Variants in ZNF516 observed in about 807,000 individuals in gnomAD.
ZNF516 encodes the protein zinc finger protein 516.
In ZNF516, 19 loss-of-function variants were observed where a neutral mutation model predicts 79.7. The ratio of observed to expected loss-of-function variants is 0.24; its 90% CI spans 0.17 to 0.35. The LOEUF (loss-of-function observed/expected upper bound fraction) is 0.35. Ranked by LOEUF, ZNF516 falls within the 10% of genes least tolerant of loss-of-function variation. ZNF516 has a pLI of 1.00. For missense variants in ZNF516, 1,678 were observed against 1,679.5 expected, an observed-to-expected ratio of 1.00 and a Z score of 0.02; for synonymous variants, 877 against 739.5, an observed-to-expected ratio of 1.19 and a Z score of -3.02.
chr18:76,375,754 AAG>A (rs1312888324), intron 4 of ZNF516, among the ~76,000 whole-genome samples: 1 of 140,408 alleles, frequency 7.1e-6, no homozygotes, highest in African/African-American at 2.7e-5. Context: ...GGGAAGGCCC[AAG>A]AGACCAGGTA....
chr18:76,465,907 C>G lies in ZNF516; in HGVS notation c.-271-2766G>C, dbSNP rs1913435466. 2.0e-5 allele frequency among the ~76,000 whole-genome samples: 3 copies of G among 152,294 alleles called. No homozygotes were observed. In the South Asian group the frequency reaches 6.2e-4, roughly 32 times the overall value. On this transcript the variant is annotated intron_variant, in intron 1 of 6. Transcript: ENST00000443185. ...GAAGGACCCGAGCGCAGCACAGGCTCCCAGATGGGCTCCTGGGACAGCAAA... is the reference window on the plus strand; with the variant it reads ...GAAGGACCCGAGCGCAGCACAGGCTGCCAGATGGGCTCCTGGGACAGCAAA...
rs1045554940 is a variant in ZNF516 at position 76,378,760 on chromosome 18, G to C, written c.3259+95C>G. ...GGGGCCGGCTGGCTCTGTCCTCAGGGACATGGACAGGCAGGTGCGCAGCAG... is the reference window on the plus strand; with the variant it reads ...GGGGCCGGCTGGCTCTGTCCTCAGGCACATGGACAGGCAGGTGCGCAGCAG... On this transcript the variant is annotated intron_variant, in intron 4 of 6. Transcript: ENST00000443185. The C allele has an allele frequency of 6.7e-6, 10 of 1,487,646 alleles. No individual in the cohort carries two copies. The East Asian group carries it at 2.1e-4, about 32-fold the overall frequency. The allele number at this position is 1,487,646 out of a possible 1,614,324, so 92.2% of individuals were successfully genotyped here.
intron 1 of ZNF516, chr18:76,491,090 G>A (rs934637330): frequency 3.9e-5 from 38 of 985,194 alleles, no homozygotes; most frequent in Admixed American, 1.2e-4. Flanking sequence ...ATCGTCCTCG[G>A]GGCCACGCCT....
intron 1 of ZNF516, among the ~76,000 whole-genome samples, chr18:76,489,637 G>A (rs1218306960): frequency 2.0e-5 from 3 of 150,378 alleles, no homozygotes; most frequent in Non-Finnish European, 3.0e-5. Flanking sequence ...AGGGTTCCAG[G>A]AAAAATAAAA....
rs887828868 is a variant in ZNF516 at position 76,462,406 on chromosome 18, C to T, written c.-158+622G>A. ...CAACACAGGCACTCCTCCAACGCCCCTTTAGTTTAGAAACATCGCCGTCAG... is the reference window on the plus strand; with the variant it reads ...CAACACAGGCACTCCTCCAACGCCCTTTTAGTTTAGAAACATCGCCGTCAG... On this transcript the variant is annotated intron_variant, in intron 2 of 6. Transcript: ENST00000443185. Among the ~76,000 whole-genome samples, 26 of 152,244 alleles carry T rather than the reference C, an allele frequency of 1.7e-4. 1 individual carries two copies. Among genetic ancestry groups the T allele is most frequent in the African/African-American group, 6.0e-4 (25 of 41,462 alleles).
chr18:76,379,024 G>C lies in ZNF516; in HGVS notation c.3090C>G (p.Pro1030=). 6.2e-7 allele frequency: 1 copy of C among 1,604,278 alleles called. No individual in the cohort carries two copies. The highest frequency in any genetic ancestry group is 8.5e-7 in the Non-Finnish European group (1 of 1,176,002). The change falls in exon 4 of 7, where the codon CCC becomes CCG. Residue 1030 remains proline, a synonymous_variant. Transcript: ENST00000443185. ...SRGDAALQAQ[P]GVAGAPPVLH... is the part of the protein sequence containing the mutation. Reference sequence around the variant, plus strand: ...GGACGGGGGGCGCCCCAGCCACGCCGGGCTGGGCCTGCAAGGCCGCGTCGC... The same window carrying C: ...GGACGGGGGGCGCCCCAGCCACGCCCGGCTGGGCCTGCAAGGCCGCGTCGC...
At chr18:76,381,318 A>T (rs1488279069) in intron 3 of ZNF516, among the ~76,000 whole-genome samples, 1 of 152,222 alleles carries the variant, frequency 6.6e-6, no homozygotes, top group Non-Finnish European at 1.5e-5. Context: ...ACATCGAAAC[A>T]GGGCAGGAGT....
intron 1 of ZNF516, among the ~76,000 whole-genome samples, chr18:76,478,107 G>A (rs983206344): frequency 6.6e-6 from 1 of 152,186 alleles, no homozygotes; most frequent in East Asian, 1.9e-4. Context: ...AGCAGAAAGT[G>A]TACTAACTTC....
chr18:76,376,028 C>T (rs1163733833), intron 4 of ZNF516, among the ~76,000 whole-genome samples: 1 of 152,202 alleles, frequency 6.6e-6, no homozygotes. Flanking sequence ...CCCAAGAGAC[C>T]AGGTAGAGGA....
intron 1 of ZNF516, among the ~76,000 whole-genome samples, chr18:76,473,296 C>T (rs1459934885): frequency 7.9e-6 from 1 of 127,334 alleles, no homozygotes; most frequent in African/African-American, 3.0e-5. Flanking sequence ...AATAAACTCA[C>T]TTATTTAAAA....
rs2074852069 is a variant in ZNF516, at chr18:76,379,493, G to A, written c.2621C>T (p.Pro874Leu). 1 of 1,613,618 alleles carries A rather than the reference G, an allele frequency of 6.2e-7. No homozygotes were observed. The highest frequency in any genetic ancestry group is 1.3e-5 in the African/African-American group (1 of 74,938). ...AGGGCCGGGCGCCCACAGAGCGCAG[G>A]GACCTCCGGAATGGCTCTCCTTATT... ...PKNKESHSGGPCALWAPGPDG... is the reference protein window; with the variant it reads ...PKNKESHSGGLCALWAPGPDG... Residue 874 changes from proline to leucine, a missense_variant, in exon 4 of 7, where the codon CCC becomes CTC. Pro to Leu is a moderately conservative substitution (Grantham distance 98). This residue lies in a region of ZNF516 where 1,294 missense variants were observed against 1,248.3 expected (regional missense o/e 1.04). Coordinates refer to ENST00000443185, the MANE Select transcript of ZNF516 (RefSeq NM_014643.4).
At chr18:76,457,749 A>C (rs1448827459) in intron 2 of ZNF516, among the ~76,000 whole-genome samples, 1 of 152,156 alleles carries the variant, frequency 6.6e-6, no homozygotes, top group Non-Finnish European at 1.5e-5. Context: ...ATATGGGGGC[A>C]ACTCCCACCA....
chr18:76,409,697 C>T lies in ZNF516; in HGVS notation c.1811-29394G>A, dbSNP rs139929350. ...GATTTGCTACTTCACCATGAGCCCA[C>T]CCTCCCTGTAGCTGGAGATGGTGGA... On this transcript the variant is annotated intron_variant, in intron 3 of 6. Coordinates refer to ENST00000443185, the MANE Select transcript of ZNF516 (RefSeq NM_014643.4). Among the ~76,000 whole-genome samples, 243 of 152,308 alleles carry T rather than the reference C, an allele frequency of 1.6e-3. 1 individual carries two copies. Among genetic ancestry groups the T allele is most frequent in the African/African-American group, 5.7e-3 (236 of 41,566 alleles).
chr18:76,398,412 G>A (rs1379539726), intron 3 of ZNF516, among the ~76,000 whole-genome samples: 1 of 152,156 alleles, frequency 6.6e-6, no homozygotes, highest in Non-Finnish European at 1.5e-5. Flanking sequence ...TAGCTAACAC[G>A]AATCTTTCCT....
chr18:76,432,197 C>G (rs1396652807), intron 3 of ZNF516, among the ~76,000 whole-genome samples: 1 of 152,268 alleles, frequency 6.6e-6, no homozygotes, highest in East Asian at 1.9e-4. Flanking sequence ...AGTCCTCCAG[C>G]ACCTGCCCTC....
At chr18:76,372,713 T>C (rs2074726780) in intron 4 of ZNF516, 1 of 152,252 alleles carries the variant, frequency 6.6e-6, no homozygotes, top group Non-Finnish European at 1.5e-5. Flanking sequence ...GCATGAACTG[T>C]GAGGCACATC....
At chr18:76,410,796 C>T (rs1320276674) in intron 3 of ZNF516, among the ~76,000 whole-genome samples, 1 of 152,186 alleles carries the variant, frequency 6.6e-6, no homozygotes, top group African/African-American at 2.4e-5. Flanking sequence ...GCAGCCACAA[C>T]ACGCAACACA....
In ZNF516 at chr18:76,417,059, T is replaced by G. The variant is rs28405045; in HGVS notation, c.1810+24186A>C. Among the ~76,000 whole-genome samples the G allele has an allele frequency of 3.5e-3, 534 of 152,348 alleles. 6 individuals are homozygous for G. The highest frequency in any genetic ancestry group is 0.012 in the African/African-American group (505 of 41,576). ...GGGATATTGAGAAATAAACAGATTTTCACAATGCTTCTCAGCTTGCAACCA... is the reference window on the plus strand; with the variant it reads ...GGGATATTGAGAAATAAACAGATTTGCACAATGCTTCTCAGCTTGCAACCA... On this transcript the variant is annotated intron_variant, in intron 3 of 6. Coordinates refer to ENST00000443185, the MANE Select transcript of ZNF516 (RefSeq NM_014643.4).
intron 3 of ZNF516, among the ~76,000 whole-genome samples, chr18:76,429,497 G>C (rs7244079): frequency 6.6e-6 from 1 of 152,158 alleles, no homozygotes; most frequent in Admixed American, 6.5e-5. Flanking sequence ...AAGAGGAGTA[G>C]GGGGAGGAAC....
Sources: gnomAD v4.1 joint callset for allele counts (sites outside exome capture counted in the v4.1 genomes callset) on GRCh38, gnomAD v4.1.1 for gene constraint, gnomAD v4.1.1 regional missense constraint, MANE v1.5 for transcripts, NCBI Gene and HGNC (gene_info 2026-07-23, HGNC 2026-07-21) for gene names.